Variants in RTF2 observed in about 807,000 individuals in gnomAD.
RTF2 encodes the protein replication termination factor 2.
Under a neutral mutation model 38.0 loss-of-function variants are expected in RTF2, and 18 were observed. The observed-to-expected ratio is 0.47, with a 90% CI of 0.33 to 0.70. The LOEUF (loss-of-function observed/expected upper bound fraction) is 0.70. Ranked by LOEUF, RTF2 falls within the 30% of genes least tolerant of loss-of-function variation. RTF2 has a pLI of 0.02. For synonymous variants in RTF2, 126 were observed against 137.1 expected (o/e 0.92, Z 0.57); for missense variants, 311 against 379.6 (o/e 0.82, Z 1.50).
rs146374943 is a variant in RTF2, at chr20:56,517,770, G to A, written c.743-317G>A. Among the ~76,000 whole-genome samples the A allele has an allele frequency of 5.3e-5, 8 of 152,224 alleles. No individual in the cohort carries two copies. The East Asian group carries it at 9.6e-4, about 18-fold the overall frequency. On this transcript the variant is annotated intron_variant, in intron 8 of 8. Coordinates refer to ENST00000357348, the MANE Select transcript of RTF2 (RefSeq NM_016407.5). The stretch of plus-strand genomic sequence containing the variant: ...AGGGTGGCTGACAGGCTCCCATCCC[G>A]GCTCTACATGGGACAGCCACTCAGG...
At chr20:56,485,013 T>A (rs1982718463) in intron 5 of RTF2, among the ~76,000 whole-genome samples, 1 of 152,190 alleles carries the variant, frequency 6.6e-6, no homozygotes, top group Non-Finnish European at 1.5e-5. Context: ...TAGGCACTGA[T>A]CTGTGGGAAA....
At chr20:56,480,754 CTG>C (rs1982489236) in intron 4 of RTF2, among the ~76,000 whole-genome samples, 1 of 152,136 alleles carries the variant, frequency 6.6e-6, no homozygotes. Flanking sequence ...ATAGGGAGAA[CTG>C]AGAAGGAGAG....
chr20:56,480,099 C>G lies in RTF2; in HGVS notation c.398+2975C>G, dbSNP rs113449291. Among the ~76,000 whole-genome samples the G allele has an allele frequency of 4.4e-3, 672 of 152,246 alleles. 6 individuals carry two copies. The highest frequency in any genetic ancestry group is 0.016 in the African/African-American group (647 of 41,550). On this transcript the variant is annotated intron_variant, in intron 4 of 8. Transcript: ENST00000357348. Reference sequence around the variant, plus strand: ...ACTTCTCCTTTTTAGCAGTAGAAGTCCTGGATAGCATCTTCTTTCAACACA... The same window carrying G: ...ACTTCTCCTTTTTAGCAGTAGAAGTGCTGGATAGCATCTTCTTTCAACACA...
intron 5 of RTF2, among the ~76,000 whole-genome samples, chr20:56,491,049 C>T (rs186878949): frequency 6.6e-6 from 1 of 152,134 alleles, no homozygotes; most frequent in Admixed American, 6.5e-5. Flanking sequence ...GTTTTCTACT[C>T]CAGATGAGCT....
chr20:56,480,886 C>T (rs960331549), intron 4 of RTF2, among the ~76,000 whole-genome samples: 1 of 152,128 alleles, frequency 6.6e-6, no homozygotes, highest in Non-Finnish European at 1.5e-5. Context: ...TAACATCAAA[C>T]GTCACTGAGC....
intron 5 of RTF2, among the ~76,000 whole-genome samples, chr20:56,507,178 T>A (rs562648112): frequency 2.3e-4 from 35 of 152,166 alleles, no homozygotes; most frequent in Non-Finnish European, 4.4e-4. Flanking sequence ...ATACATATTA[T>A]TTACTAAAGA....
At chr20:56,475,642 G>A (rs901695449) in intron 3 of RTF2, among the ~76,000 whole-genome samples, 3 of 151,996 alleles carry the variant, frequency 2.0e-5, no homozygotes, top group African/African-American at 4.8e-5. Context: ...TGTGATAAAC[G>A]ATTCTTTAGT....
intron 6 of RTF2, among the ~76,000 whole-genome samples, chr20:56,514,952 C>G (rs1319189695): frequency 1.3e-5 from 2 of 151,294 alleles, no homozygotes; most frequent in Non-Finnish European, 2.9e-5. Flanking sequence ...GAGACTGAGG[C>G]AGGGGAATCA....
intron 5 of RTF2, among the ~76,000 whole-genome samples, chr20:56,503,062 C>T (rs979523902): frequency 6.6e-6 from 1 of 152,208 alleles, no homozygotes; most frequent in African/African-American, 2.4e-5. Flanking sequence ...CTGGCACTCA[C>T]CCTCGGGGTA....
intron 5 of RTF2, among the ~76,000 whole-genome samples, chr20:56,492,935 T>C (rs1325892706): frequency 6.6e-6 from 1 of 152,120 alleles, no homozygotes; most frequent in Non-Finnish European, 1.5e-5. Context: ...CCCAGCACTT[T>C]GGGAGGCCGA....
At chr20:56,501,441 G>A (rs915937833) in intron 5 of RTF2, among the ~76,000 whole-genome samples, 3 of 152,140 alleles carry the variant, frequency 2.0e-5, no homozygotes, top group Admixed American at 1.3e-4. Context: ...ATAAAAAAGT[G>A]TTCTTACTGA....
At chr20:56,513,500 G>T in intron 6 of RTF2, 72 bp downstream of exon 6, 1 of 1,535,818 alleles carries the variant, frequency 6.5e-7, no homozygotes, top group Non-Finnish European at 8.8e-7. Flanking sequence ...ACTGAACTGA[G>T]CTGGCAGCTG....
Position 56,518,422 on chromosome 20 carries a change from T to G in RTF2, c.*157T>G. ...TTCAAGCTGGTGTGGCCACTCTTGA[T>G]GTGAGGCGTGTCGGTTCCAGGGGGG... On this transcript the variant is annotated 3_prime_UTR_variant, in exon 9 of 9. Coordinates refer to ENST00000357348, the MANE Select transcript of RTF2 (RefSeq NM_016407.5). 3.0e-6 allele frequency: 2 copies of G among 669,310 alleles called. No homozygotes were observed. The highest frequency in any genetic ancestry group is 4.8e-6 in the Non-Finnish European group (2 of 419,942). The allele number at this position is 669,310 out of a possible 1,614,324, so 41.5% of individuals were successfully genotyped here.
intron 6 of RTF2, 87 bp downstream of exon 6, chr20:56,513,515 G>C: frequency 6.6e-7 from 1 of 1,515,366 alleles, no homozygotes; most frequent in Non-Finnish European, 8.9e-7. Context: ...CAGCTGCTTA[G>C]GGGTTTGCAT....
chr20:56,515,060 C>T (rs1385983383), intron 6 of RTF2, among the ~76,000 whole-genome samples: 1 of 149,838 alleles, frequency 6.7e-6, no homozygotes, highest in Non-Finnish European at 1.5e-5. Flanking sequence ...AGCCGCTTGG[C>T]CATTGAAATG....
chr20:56,507,882 G>C (rs901520181), intron 5 of RTF2, among the ~76,000 whole-genome samples: 2 of 152,134 alleles, frequency 1.3e-5, no homozygotes, highest in African/African-American at 4.8e-5. Flanking sequence ...AGAGCCAAGG[G>C]AAAGCTCTAC....
intron 1 of RTF2, chr20:56,471,075 G>A (rs1368758137): frequency 5.3e-6 from 1 of 187,654 alleles, no homozygotes; most frequent in Non-Finnish European, 1.2e-5. Flanking sequence ...GGCATCTAAA[G>A]TCGGGGTAGG....
rs770430701 is a variant in RTF2, at chr20:56,474,719, A to G, written c.206A>G (p.Lys69Arg). ...KDAVIEFLLD[K>R]SAEKALGKAA... ...GCCGTCATTGAATTTCTCTTGGACA[A>G]ATCTGCAGAAAAGGCTCTTGGGAAG... The change falls in exon 3 of 9, where the codon AAA becomes AGA. Residue 69 changes from lysine (K) to arginine (R), a missense_variant. Transcript: ENST00000357348. 1 of 1,612,236 alleles carries G rather than the reference A, an allele frequency of 6.2e-7. No homozygotes were observed. Among genetic ancestry groups the G allele is most frequent in the South Asian group, 1.1e-5 (1 of 90,762 alleles).
intron 4 of RTF2, among the ~76,000 whole-genome samples, chr20:56,483,856 A>G (rs1320477532): frequency 6.6e-6 from 1 of 152,130 alleles, no homozygotes; most frequent in Non-Finnish European, 1.5e-5. Context: ...TTTATTGAAA[A>G]TATTTCCTCC....
Sources: gnomAD v4.1 joint callset for allele counts (sites outside exome capture counted in the v4.1 genomes callset) on GRCh38, gnomAD v4.1.1 for gene constraint, MANE v1.5 for transcripts, NCBI Gene and HGNC (gene_info 2026-07-23, HGNC 2026-07-21) for gene names.